MAP4K5: variants seen among roughly 807,000 people sequenced by gnomAD.
MAP4K5 encodes mitogen-activated protein kinase kinase kinase kinase 5, also known as MAPK/ERK kinase kinase kinase 5.
Under a neutral mutation model 135.6 loss-of-function variants are expected in MAP4K5, and 82 were observed. The ratio of observed to expected loss-of-function variants is 0.60; its 90% CI spans 0.51 to 0.73. The LOEUF is 0.73. MAP4K5 is among the 30% of genes least tolerant of loss of function. The pLI, the probability that MAP4K5 is intolerant of heterozygous loss-of-function variation, is 0.00. For synonymous variants in MAP4K5, 347 were observed against 335.0 expected (o/e 1.04, Z -0.39); for missense variants, 907 against 1,010.9 (o/e 0.90, Z 1.39).
chr14:50,425,921 A>C lies in MAP4K5; in HGVS notation c.2383T>G (p.Phe795Val), dbSNP rs1418639458. 1 of 1,612,512 alleles carries C rather than the reference A, an allele frequency of 6.2e-7. No homozygotes were observed. The highest frequency in any genetic ancestry group is 1.7e-5 in the Admixed American group (1 of 59,964). ...AGAAGGCTTACCTCATCTGACTTGA[A>C]GCTTTTACCCTGCATCCCATGTTTC... ...FWKHGMQGKS[F>V]KSDEVTQEIS... is the part of the protein sequence containing the mutation. The change falls in exon 31 of 33, where the codon TTC (phenylalanine) becomes GTC (valine). Residue 795 changes from phenylalanine to valine, a missense_variant. Physicochemically the swap from Phe to Val is conservative, Grantham distance 50. This residue lies in a region of MAP4K5 where 690 missense variants were observed against 777.4 expected (regional missense o/e 0.89). Transcript: ENST00000682126.
chr14:50,476,315 TTA>T lies in MAP4K5; in HGVS notation c.379-11_379-10del, dbSNP rs1566666024. The stretch of plus-strand genomic sequence containing the variant: ...TGCAAATAGGCAAGACCCTAAAAGT[TTA>T]AAAAAAAAAAAAAAGAATGTATCAG... On this transcript the variant is annotated splice_polypyrimidine_tract_variant and intron_variant, in intron 6 of 32. Transcript: ENST00000682126. The T allele has an allele frequency of 4.4e-6, 6 of 1,364,720 alleles. No homozygotes were observed. The highest frequency in any genetic ancestry group is 1.7e-5 in the South Asian group (1 of 59,106). The allele number at this position is 1,364,720 out of a possible 1,614,324, so 84.5% of individuals were successfully genotyped here. A position where few individuals can be genotyped will look rare whatever the true frequency, so the allele number is the denominator to read the frequency against.
intron 5 of MAP4K5, among the ~76,000 whole-genome samples, chr14:50,484,688 G>C (rs914778998): frequency 1.3e-5 from 2 of 152,100 alleles, no homozygotes. Context: ...ACAGGTTGAA[G>C]AGTAGTTTAT....
chr14:50,446,836 T>C (rs564900943), intron 16 of MAP4K5, among the ~76,000 whole-genome samples: 42 of 152,348 alleles, frequency 2.8e-4, no homozygotes, highest in Middle Eastern at 3.4e-3. Flanking sequence ...ATAGTTATAT[T>C]CTAACAAACT....
chr14:50,548,923 C>T (rs895412407), intron 1 of MAP4K5, among the ~76,000 whole-genome samples: 3 of 152,072 alleles, frequency 2.0e-5, no homozygotes, highest in Admixed American at 2.0e-4. Flanking sequence ...GAAAGCAGAC[C>T]ACACAATAAA....
intron 2 of MAP4K5, among the ~76,000 whole-genome samples, chr14:50,510,021 T>A (rs1341083896): frequency 6.6e-6 from 1 of 152,182 alleles, no homozygotes; most frequent in Non-Finnish European, 1.5e-5. Context: ...AATGTTCAAC[T>A]CATATGACAA....
At chr14:50,439,852 G>T in intron 23 of MAP4K5, 161 bp downstream of exon 23, 1 of 395,192 alleles carries the variant, frequency 2.5e-6, no homozygotes, top group Non-Finnish European at 3.4e-6. Context: ...CCTTCCCAAA[G>T]TTTCTTCCCA....
chr14:50,550,164 G>A (rs2038683912), intron 1 of MAP4K5, among the ~76,000 whole-genome samples: 1 of 152,180 alleles, frequency 6.6e-6, no homozygotes, highest in Non-Finnish European at 1.5e-5. Flanking sequence ...CTGCTGGAGT[G>A]GTCATAGTGC....
intron 6 of MAP4K5, among the ~76,000 whole-genome samples, chr14:50,476,584 C>T (rs186597070): frequency 1.3e-5 from 2 of 152,314 alleles, no homozygotes; most frequent in Admixed American, 6.5e-5. Context: ...CCTCCGCCTC[C>T]CAAGTAGCCG....
intron 30 of MAP4K5, among the ~76,000 whole-genome samples, chr14:50,426,755 A>C (rs1161243485): frequency 6.6e-6 from 1 of 152,150 alleles, no homozygotes; most frequent in Non-Finnish European, 1.5e-5. Context: ...AATAAAATAA[A>C]ATAAACCTGC....
chr14:50,510,708 T>A (rs73289808), intron 2 of MAP4K5, among the ~76,000 whole-genome samples: 2,168 of 152,298 alleles, frequency 0.014, 32 homozygotes, highest in African/African-American at 0.049. Context: ...ACTACAAAAG[T>A]AAGATTTTGT....
chr14:50,462,677 G>A lies in MAP4K5; in HGVS notation c.924C>T (p.Asp308=), dbSNP rs371093686. 6.1e-5 allele frequency: 98 copies of A among 1,600,360 alleles called. No individual in the cohort carries two copies. The highest frequency in any genetic ancestry group is 3.7e-4 in the African/African-American group (27 of 73,966). ...AACACTTCCTTACCTCAAAGTCATC[G>A]TCATCTGCTTCAGTGTAATGTGCGT... is the stretch of plus-strand genomic sequence containing the variant. ...DNHAHYTEAD[D]DDFEPHAIIR... Residue 308 remains aspartate (D), a synonymous_variant, in exon 13 of 33, where the codon GAC becomes GAT. Transcript: ENST00000682126.
chr14:50,421,498 G>C (rs2035731417), intron 32 of MAP4K5, among the ~76,000 whole-genome samples: 2 of 151,904 alleles, frequency 1.3e-5, no homozygotes, highest in African/African-American at 4.8e-5. Context: ...CTGGCCTCAG[G>C]TGATCCACCT....
At chr14:50,559,356 C>T (rs1240311946) in intron 1 of MAP4K5, 1 of 152,136 alleles carries the variant, frequency 6.6e-6, no homozygotes, top group Non-Finnish European at 1.5e-5. Flanking sequence ...GACAGTGTTT[C>T]CAGGTTACTG....
intron 3 of MAP4K5, among the ~76,000 whole-genome samples, chr14:50,489,066 C>A (rs191104715): frequency 2.0e-5 from 3 of 152,180 alleles, no homozygotes; most frequent in Admixed American, 2.0e-4. Flanking sequence ...CTGGGTGATA[C>A]GCCAAATTAA....
At chr14:50,426,214 T>A (rs2035842776) in intron 30 of MAP4K5, among the ~76,000 whole-genome samples, 2 of 152,286 alleles carry the variant, frequency 1.3e-5, no homozygotes, top group South Asian at 4.1e-4. Context: ...CATTTAAACA[T>A]GAACTAACTT....
chr14:50,434,455 T>A lies in MAP4K5; in HGVS notation c.2103A>T (p.Val701=). 1 of 1,610,072 alleles carries A rather than the reference T, an allele frequency of 6.2e-7. No individual in the cohort carries two copies. The highest frequency in any genetic ancestry group is 8.5e-7 in the Non-Finnish European group (1 of 1,178,106). Residue 701 remains valine, a synonymous_variant, in exon 28 of 33, where the codon GTA becomes GTT. Coordinates refer to ENST00000682126, the MANE Select transcript of MAP4K5 (RefSeq NM_006575.6). ...TCAAATTGATTGTCTCAAACTGAAC[T>A]ACCTGATTCGATTCAGTGCCTTTGC... is the stretch of plus-strand genomic sequence containing the variant. ...AISKGTESNQ[V]VQFETINLNS...
intron 28 of MAP4K5, among the ~76,000 whole-genome samples, chr14:50,433,502 T>C (rs2036020988): frequency 6.6e-6 from 1 of 152,242 alleles, no homozygotes; most frequent in Non-Finnish European, 1.5e-5. Context: ...GTTAGACATT[T>C]ACCAGGGTAT....
chr14:50,450,880 T>C (rs1015257583), intron 14 of MAP4K5, among the ~76,000 whole-genome samples: 3 of 151,998 alleles, frequency 2.0e-5, no homozygotes, highest in African/African-American at 7.2e-5. Flanking sequence ...TTGTCCAAGA[T>C]ACAATAAAAA....
chr14:50,474,728 C>A (rs1324676053), intron 9 of MAP4K5, among the ~76,000 whole-genome samples: 1 of 151,976 alleles, frequency 6.6e-6, no homozygotes, highest in Non-Finnish European at 1.5e-5. Context: ...GCACATGTAC[C>A]CTGCAACTTA....
Sources: allele counts gnomAD v4.1 joint callset (sites outside exome capture counted in the v4.1 genomes callset), GRCh38; gene constraint gnomAD v4.1.1; regional missense constraint gnomAD v4.1.1; transcripts MANE v1.5; gene names NCBI Gene and HGNC (gene_info 2026-07-23, HGNC 2026-07-21).